BTF3L4: variants seen among roughly 807,000 people sequenced by gnomAD.
The protein encoded by BTF3L4 is transcription factor BTF3 homolog 4.
Under a neutral mutation model 16.8 loss-of-function variants are expected in BTF3L4, and 6 were observed. That is an observed-to-expected ratio of 0.36 (90% CI 0.20 to 0.71). The LOEUF (loss-of-function observed/expected upper bound fraction) is 0.71, where lower values mean the gene tolerates loss of function less well. Ranked by LOEUF, BTF3L4 falls within the 30% of genes least tolerant of loss-of-function variation. The pLI is 0.58. For synonymous variants in BTF3L4, 39 were observed against 59.8 expected (o/e 0.65, Z 1.60); for missense variants, 92 against 186.9 (o/e 0.49, Z 2.96).
chr1:52,086,019 G>A, intron 4 of BTF3L4, 93 bp from the exon 5 acceptor site: 1 of 743,532 alleles, frequency 1.3e-6, no homozygotes, highest in South Asian at 2.8e-5. Flanking sequence ...GAGCAACTCT[G>A]TGTGATTTAT....
intron 3 of BTF3L4, among the ~76,000 whole-genome samples, chr1:52,077,270 G>T (rs908858422): frequency 2.6e-5 from 4 of 152,198 alleles, no homozygotes; most frequent in African/African-American, 9.7e-5. Flanking sequence ...GGCTGGGCGC[G>T]GTAGCTCCTA....
chr1:52,065,167 C>A, intron 3 of BTF3L4: 1 of 274,846 alleles, frequency 3.6e-6, no homozygotes, highest in Non-Finnish European at 6.8e-6. Flanking sequence ...AAGATATTTG[C>A]GTATATGGCA....
intron 4 of BTF3L4, among the ~76,000 whole-genome samples, chr1:52,084,020 C>CAA (rs58159140): frequency 3.8e-5 from 3 of 79,094 alleles, no homozygotes; most frequent in African/African-American, 9.0e-5. Context: ...AACTCCGTCT[C>CAA]AAAAAAAAAA....
chr1:52,084,940 G>GA (rs1210735471), intron 4 of BTF3L4, among the ~76,000 whole-genome samples: 5 of 147,592 alleles, frequency 3.4e-5, no homozygotes, highest in Non-Finnish European at 6.0e-5. Context: ...CCCTAAAAAT[G>GA]AAAAAATCTA....
chr1:52,085,264 C>T (rs1184562250), intron 4 of BTF3L4, among the ~76,000 whole-genome samples: 1 of 151,754 alleles, frequency 6.6e-6, no homozygotes, highest in African/African-American at 2.4e-5. Flanking sequence ...CGTGATCCAC[C>T]TGCCTCAGCC....
intron 3 of BTF3L4, among the ~76,000 whole-genome samples, chr1:52,080,774 T>G (rs965553935): frequency 1.3e-5 from 2 of 151,360 alleles, no homozygotes; most frequent in African/African-American, 4.9e-5. Context: ...TCTCAGGCAG[T>G]CCACCAGCCT....
At chr1:52,079,872 CT>C (rs71579905) in intron 3 of BTF3L4, among the ~76,000 whole-genome samples, 198 of 5,254 alleles carry the variant, frequency 0.038, 1 homozygote, top group Admixed American at 0.32. Flanking sequence ...CTTTTCTTTT[CT>C]TTTTTTTTTT....
chr1:52,069,886 C>T (rs115840404), intron 3 of BTF3L4, among the ~76,000 whole-genome samples: 2,917 of 151,772 alleles, frequency 0.019, 44 homozygotes, highest in Non-Finnish European at 0.03. Context: ...ATTTTTTTTC[C>T]CCCTTCCAGA....
intron 3 of BTF3L4, among the ~76,000 whole-genome samples, chr1:52,077,433 T>G (rs2124437928): frequency 6.6e-6 from 1 of 152,228 alleles, no homozygotes; most frequent in African/African-American, 2.4e-5. Context: ...TCCCAGCTAC[T>G]TGGGAGGATG....
chr1:52,073,858 CGTG>C (rs1686862113), intron 3 of BTF3L4, among the ~76,000 whole-genome samples: 1 of 151,800 alleles, frequency 6.6e-6, no homozygotes, highest in Non-Finnish European at 1.5e-5. Flanking sequence ...ATTAGCCGGG[CGTG>C]GTGGTGGGCG....
chr1:52,088,732 C>A lies in BTF3L4; in HGVS notation c.*1974C>A, dbSNP rs927562052. 3.9e-5 allele frequency: 6 copies of A among 152,134 alleles called. No homozygotes were observed. Among genetic ancestry groups the A allele is most frequent in the Non-Finnish European group, 7.4e-5 (5 of 68,020 alleles). 9.4% of individuals were successfully genotyped at this position (152,134 alleles called of 1,614,324 possible). On this transcript the variant is annotated 3_prime_UTR_variant, in exon 6 of 6. Coordinates refer to ENST00000313334, the MANE Select transcript of BTF3L4 (RefSeq NM_152265.5). ...TGGCATTATGTGACCTTGGACAGGT[C>A]ATCTAACTACTCTGAAATTTATCAT...
chr1:52,060,241 A>G (rs1350907629), intron 2 of BTF3L4, among the ~76,000 whole-genome samples: 1 of 152,230 alleles, frequency 6.6e-6, no homozygotes, highest in Non-Finnish European at 1.5e-5. Context: ...GGTAATATTT[A>G]TAAAACACCT....
chr1:52,080,224 G>A (rs941908960), intron 3 of BTF3L4, among the ~76,000 whole-genome samples: 1 of 152,074 alleles, frequency 6.6e-6, no homozygotes, highest in Non-Finnish European at 1.5e-5. Context: ...TAGTAGGAAG[G>A]AAACAAGAAC....
chr1:52,083,563 A>G (rs1449176754), intron 4 of BTF3L4, 22 bp downstream of exon 4: 1 of 1,584,662 alleles, frequency 6.3e-7, no homozygotes, highest in Admixed American at 1.7e-5. Context: ...AATTTAGTAA[A>G]TCTTTCTCTC....
At chr1:52,078,437 A>C (rs1250094445) in intron 3 of BTF3L4, among the ~76,000 whole-genome samples, 1 of 151,986 alleles carries the variant, frequency 6.6e-6, no homozygotes. Flanking sequence ...TATGTACTAG[A>C]TATTGGGGGA....
chr1:52,081,085 G>A (rs575201414), intron 3 of BTF3L4, among the ~76,000 whole-genome samples: 43 of 151,822 alleles, frequency 2.8e-4, no homozygotes, highest in African/African-American at 9.4e-4. Context: ...TGATCCACCC[G>A]CCTCAGCCTC....
At chr1:52,059,350 T>A (rs550578647) in intron 1 of BTF3L4, among the ~76,000 whole-genome samples, 1 of 152,362 alleles carries the variant, frequency 6.6e-6, no homozygotes, top group African/African-American at 2.4e-5. Context: ...TCTTCTTTGT[T>A]CAGCTTTTTT....
In BTF3L4 at chr1:52,088,779, T is replaced by C. The variant is rs960927711; in HGVS notation, c.*2021T>C. ...TCATCAGTCAAATAAGATTTTATTC[T>C]GTTTTGTTTTGTTTGAGATGGGGAT... On this transcript the variant is annotated 3_prime_UTR_variant, in exon 6 of 6. Transcript: ENST00000313334. 3 of 152,178 alleles carry C rather than the reference T, an allele frequency of 2.0e-5. No individual in the cohort carries two copies. The highest frequency in any genetic ancestry group is 6.5e-5 in the Admixed American group (1 of 15,274). The allele number at this position is 152,178 out of a possible 1,614,324, so 9.4% of individuals were successfully genotyped here. A position where few individuals can be genotyped will look rare whatever the true frequency, so the allele number is the denominator to read the frequency against.
intron 2 of BTF3L4, 77 bp downstream of exon 2, chr1:52,059,978 T>G: frequency 7.3e-7 from 1 of 1,369,798 alleles, no homozygotes; most frequent in Non-Finnish European, 1.0e-6. Flanking sequence ...TTTGTGGTCA[T>G]TGAAAATCTA....
Sources: gnomAD v4.1 joint callset for allele counts (sites outside exome capture counted in the v4.1 genomes callset) on GRCh38, gnomAD v4.1.1 for gene constraint, MANE v1.5 for transcripts, NCBI Gene and HGNC (gene_info 2026-07-23, HGNC 2026-07-21) for gene names.